The following ABL1 variants were observed in gnomAD, a reference collection of about 807,000 sequenced individuals.
ABL1 encodes the protein tyrosine-protein kinase ABL1.
In ABL1, 11 loss-of-function variants were observed where a neutral mutation model predicts 94.7. That is an observed-to-expected ratio of 0.12 (90% CI 0.07 to 0.19). The LOEUF (loss-of-function observed/expected upper bound fraction) is 0.19. Ranked by LOEUF, ABL1 falls within the 10% of genes least tolerant of loss-of-function variation. ABL1 has a pLI of 1.00. For synonymous variants in ABL1, 656 were observed against 622.4 expected (o/e 1.05, Z -0.80); for missense variants, 1,082 against 1,489.4 (o/e 0.73, Z 4.50).
intron 8 of ABL1, among the ~76,000 whole-genome samples, chr9:130,879,433 A>ATTTG (rs1442670508): frequency 6.6e-6 from 1 of 152,196 alleles, no homozygotes; most frequent in Non-Finnish European, 1.5e-5. Context: ...TGTTTTACAC[A>ATTTG]TTTGTTTGGT....
At chr9:130,798,366 G>A (rs1830007682) in intron 1 of ABL1, among the ~76,000 whole-genome samples, 1 of 152,198 alleles carries the variant, frequency 6.6e-6, no homozygotes. Flanking sequence ...CATACTAATT[G>A]TGGGACTTAG....
At chr9:130,808,727 C>G (rs1830164476) in intron 1 of ABL1, among the ~76,000 whole-genome samples, 1 of 152,130 alleles carries the variant, frequency 6.6e-6, no homozygotes, top group East Asian at 1.9e-4. Flanking sequence ...TCTGATGACT[C>G]CCACATTTAT....
At chr9:130,763,321 T>TG (rs1554761587) in intron 1 of ABL1, among the ~76,000 whole-genome samples, 4,460 of 115,442 alleles carry the variant, frequency 0.039, 66 homozygotes, top group African/African-American at 0.08. Context: ...AACATTTTTG[T>TG]GGTTTTTTTT....
chr9:130,725,842 T>G (rs7023865), intron 1 of ABL1, among the ~76,000 whole-genome samples: 4,317 of 127,910 alleles, frequency 0.034, 390 homozygotes, highest in African/African-American at 0.095. Flanking sequence ...TTTTTTTTTT[T>G]TTTTTTTTTG....
At chr9:130,838,525 C>T (rs1830622142) in intron 1 of ABL1, among the ~76,000 whole-genome samples, 2 of 151,984 alleles carry the variant, frequency 1.3e-5, no homozygotes, top group Non-Finnish European at 2.9e-5. Context: ...AGGCAATCAC[C>T]CTGGAGTTTT....
At chr9:130,868,369 C>T (rs552236048) in intron 4 of ABL1, among the ~76,000 whole-genome samples, 1 of 152,246 alleles carries the variant, frequency 6.6e-6, no homozygotes, top group Admixed American at 6.5e-5. Flanking sequence ...CCTCTCTCAC[C>T]TAGCATTTGG....
intron 1 of ABL1, among the ~76,000 whole-genome samples, chr9:130,722,204 C>T (rs1831525593): frequency 1.3e-5 from 2 of 152,078 alleles, no homozygotes; most frequent in South Asian, 4.2e-4. Flanking sequence ...ACCAGCCTGA[C>T]CAACATGGTG....
At chr9:130,726,658 G>C (rs532891706) in intron 1 of ABL1, among the ~76,000 whole-genome samples, 241 of 151,662 alleles carry the variant, frequency 1.6e-3, no homozygotes, top group Non-Finnish European at 2.4e-3. Flanking sequence ...TTTTTTTGTA[G>C]AGATAGGGTC....
Position 130,872,944 on chromosome 9 carries a change from A to T in ABL1, c.992A>T (p.Asn331Ile), listed in dbSNP as rs144448357. The T allele has an allele frequency of 1.5e-5, 24 of 1,614,056 alleles. No individual in the cohort carries two copies. The highest frequency in any genetic ancestry group is 1.8e-5 in the Non-Finnish European group (21 of 1,180,044). ...CTCCTGGACTACCTGAGGGAGTGCAACCGGCAGGAGGTGAACGCCGTGGTG... is the reference window on the plus strand; with the variant it reads ...CTCCTGGACTACCTGAGGGAGTGCATCCGGCAGGAGGTGAACGCCGTGGTG... ...GNLLDYLREC[N>I]RQEVNAVVLL... is the part of the protein sequence containing the mutation. The change falls in exon 6 of 11, where the codon AAC becomes ATC. Residue 331 changes from asparagine to isoleucine, a missense_variant. By Grantham distance (149) the Asn-to-Ile change is moderately radical (BLOSUM62 -3). Around this residue, in one of 7 missense-constraint regions of ABL1, gnomAD observed 92 missense variants for 212.3 expected, o/e 0.43. Coordinates refer to ENST00000318560, the MANE Select transcript of ABL1 (RefSeq NM_005157.6). This position sits in a 1 kb window ranked among gnomAD's most constrained non-coding sequence, Gnocchi z 5.0.
Position 130,863,609 on chromosome 9 carries a change from C to G in ABL1, c.822+574C>G, listed in dbSNP as rs1831110502. The stretch of plus-strand genomic sequence containing the variant: ...TTGACCAACTCAGATACAGTCTGGT[C>G]TTTCTTGTTAACTGGGACTTTACCC... On this transcript the variant is annotated intron_variant, in intron 4 of 10. Transcript: ENST00000318560. The surrounding 1 kb of genome is among the most constrained non-coding windows in gnomAD (Gnocchi z 4.3). 6.6e-6 allele frequency among the ~76,000 whole-genome samples: 1 copy of G among 152,180 alleles called. No individual in the cohort carries two copies. Among genetic ancestry groups the G allele is most frequent in the Non-Finnish European group, 1.5e-5 (1 of 68,048 alleles).
chr9:130,785,667 A>G (rs1829816546), intron 1 of ABL1, among the ~76,000 whole-genome samples: 1 of 152,078 alleles, frequency 6.6e-6, no homozygotes, highest in Non-Finnish European at 1.5e-5. Flanking sequence ...TCACACCTGT[A>G]ATCCCAGCAC....
intron 1 of ABL1, among the ~76,000 whole-genome samples, chr9:130,737,165 C>T (rs190396055): frequency 3.9e-5 from 6 of 152,096 alleles, no homozygotes; most frequent in East Asian, 1.9e-4. Context: ...GAGGGGAAAA[C>T]GACTGTTGAA....
chr9:130,876,487 G>A (rs1002644490), intron 7 of ABL1, among the ~76,000 whole-genome samples: 1 of 149,024 alleles, frequency 6.7e-6, no homozygotes, highest in Non-Finnish European at 1.5e-5. Context: ...GCATGATCTC[G>A]GCTCACTGCA....
intron 1 of ABL1, among the ~76,000 whole-genome samples, chr9:130,787,615 C>T (rs1454558162): frequency 1.3e-5 from 2 of 152,090 alleles, no homozygotes; most frequent in South Asian, 2.1e-4. Flanking sequence ...AGATTTTACC[C>T]GAGTCCGGTA....
chr9:130,862,652 T>C lies in ABL1; in HGVS notation c.550-111T>C. On this transcript the variant is annotated intron_variant, in intron 3 of 10. Coordinates refer to ENST00000318560, the MANE Select transcript of ABL1 (RefSeq NM_005157.6). This position sits in a 1 kb window ranked among gnomAD's most constrained non-coding sequence, Gnocchi z 5.5. ...CACTCTGTCCTGTGTGGAGAGCTCCTTATGTGAGATTTTGCTGTGTAGTGA... is the reference window on the plus strand; with the variant it reads ...CACTCTGTCCTGTGTGGAGAGCTCCCTATGTGAGATTTTGCTGTGTAGTGA... 8.2e-7 allele frequency: 1 copy of C among 1,218,958 alleles called. No individual in the cohort carries two copies. The highest frequency in any genetic ancestry group is 1.1e-6 in the Non-Finnish European group (1 of 877,880). The allele number at this position is 1,218,958 out of a possible 1,614,324, so 75.5% of individuals were successfully genotyped here.
intron 1 of ABL1, among the ~76,000 whole-genome samples, chr9:130,758,412 G>C (rs1441139246): frequency 6.6e-6 from 1 of 152,046 alleles, no homozygotes; most frequent in Non-Finnish European, 1.5e-5. Flanking sequence ...CACCCGCCTT[G>C]GCCTCCCAAA....
rs1243821363 is a variant in ABL1 at position 130,872,242 on chromosome 9, G to T, written c.907+29G>T. 19 of 1,600,820 alleles carry T rather than the reference G, an allele frequency of 1.2e-5. No homozygotes were observed. Among genetic ancestry groups the T allele is most frequent in the Non-Finnish European group, 1.4e-5 (16 of 1,169,868 alleles). The stretch of plus-strand genomic sequence containing the variant: ...AGTAAGCCCGGGGCTCTGAAGAGAG[G>T]GTCTCGCGCCGCACCCCCAGGGTGA... On this transcript the variant is annotated intron_variant, in intron 5 of 10. Coordinates refer to ENST00000318560, the MANE Select transcript of ABL1 (RefSeq NM_005157.6). This position sits in a 1 kb window ranked among gnomAD's most constrained non-coding sequence, Gnocchi z 5.0.
chr9:130,790,508 G>A (rs55679541), intron 1 of ABL1, among the ~76,000 whole-genome samples: 6,739 of 148,510 alleles, frequency 0.045, 477 homozygotes, highest in African/African-American at 0.16. Flanking sequence ...TTTAGAGACA[G>A]GGTTTCATTC....
chr9:130,738,865 A>G (rs1003361066), intron 1 of ABL1, among the ~76,000 whole-genome samples: 1 of 152,068 alleles, frequency 6.6e-6, no homozygotes, highest in African/African-American at 2.4e-5. Flanking sequence ...TTTCCCTCAG[A>G]TGTATCCTTC....
Sources: allele counts gnomAD v4.1 joint callset (sites outside exome capture counted in the v4.1 genomes callset), GRCh38; gene constraint gnomAD v4.1.1; regional missense constraint gnomAD v4.1.1; non-coding constraint Gnocchi (gnomAD v3.1); transcripts MANE v1.5; gene names NCBI Gene and HGNC (gene_info 2026-07-23, HGNC 2026-07-21).